The following CYP4B1 variants were observed in gnomAD, a reference collection of about 807,000 sequenced individuals.
CYP4B1 encodes cytochrome P450 4B1.
Under a neutral mutation model 54.0 loss-of-function variants are expected in CYP4B1, and 45 were observed. The observed-to-expected ratio is 0.83, with a 90% CI of 0.66 to 1.07. CYP4B1 has a LOEUF of 1.07. CYP4B1 is among the 50% of genes least tolerant of loss of function. The pLI, the probability that CYP4B1 is intolerant of heterozygous loss-of-function variation, is 0.00. For missense variants in CYP4B1, 656 were observed against 655.4 expected, an observed-to-expected ratio of 1.00 and a Z score of -0.01; for synonymous variants, 248 against 247.5, an observed-to-expected ratio of 1.00 and a Z score of -0.02.
At chr1:46,799,944 G>A (rs758116823) in intron 1 of CYP4B1, among the ~76,000 whole-genome samples, 3 of 152,158 alleles carry the variant, frequency 2.0e-5, no homozygotes, top group Non-Finnish European at 4.4e-5. Context: ...TTAGACACAG[G>A]GCAGGGAATT....
At position 46,813,482 on chromosome 1, in the gene CYP4B1, G is replaced by A; in HGVS notation, c.496G>A (p.Asp166Asn). ...VFTESTRIMLDKWEEKAREGK... is the reference protein window; with the variant it reads ...VFTESTRIMLNKWEEKAREGK... ...ATTGCCTCCTATCCCTGGACTCCAG[G>A]ACAAGTGGGAAGAGAAAGCTCGGGA... is the stretch of plus-strand genomic sequence containing the variant. Residue 166 changes from aspartate to asparagine, a missense_variant and splice_region_variant, in exon 5 of 12, where the codon GAC (aspartate) becomes AAC (asparagine). Asp to Asn is a conservative substitution (Grantham distance 23). Transcript: ENST00000371923. 6.2e-7 allele frequency: 1 copy of A among 1,614,142 alleles called. No homozygotes were observed. The highest frequency in any genetic ancestry group is 8.5e-7 in the Non-Finnish European group (1 of 1,180,026).
Position 46,799,278 on chromosome 1 carries a change from A to AG in CYP4B1, c.180+20dup, listed in dbSNP as rs754904125. On this transcript the variant is annotated intron_variant, in intron 1 of 11. Coordinates refer to ENST00000371923, the MANE Select transcript of CYP4B1 (RefSeq NM_001099772.2). ...GCCCTCGAGGTATGTGGAGGTCGGG[A>AG]GGGTGGGGGAGAAAGAAAACATCCT... 7.0e-6 allele frequency: 11 copies of AG among 1,563,622 alleles called. No homozygotes were observed. In the South Asian group the frequency reaches 1.3e-4, roughly 18 times the overall value.
chr1:46,806,745 T>A (rs963242970), intron 1 of CYP4B1: 1 of 152,032 alleles, frequency 6.6e-6, no homozygotes, highest in Non-Finnish European at 1.5e-5. Flanking sequence ...GGGTGGGAGG[T>A]GGGGCTGGGG....
intron 1 of CYP4B1, among the ~76,000 whole-genome samples, chr1:46,807,446 G>T (rs577979613): frequency 7.2e-5 from 11 of 152,298 alleles, no homozygotes; most frequent in African/African-American, 2.6e-4. Context: ...TAGGGATGGA[G>T]AGAAGGGGAA....
Position 46,813,571 on chromosome 1 carries a change from C to T in CYP4B1, c.585C>T (p.Cys195=). 1 of 1,614,176 alleles carries T rather than the reference C, an allele frequency of 6.2e-7. No homozygotes were observed. Among genetic ancestry groups the T allele is most frequent in the South Asian group, 1.1e-5 (1 of 91,088 alleles). ...TGGCGCTGAACACACTCATGAAGTG[C>T]ACCTTTGGAAGAGGAGACACCGGCC... ...GHMALNTLMK[C]TFGRGDTGLG... The change falls in exon 5 of 12, where the codon TGC becomes TGT. Residue 195 remains cysteine (C), a synonymous_variant. Coordinates refer to ENST00000371923, the MANE Select transcript of CYP4B1 (RefSeq NM_001099772.2).
At chr1:46,806,350 A>G (rs549475312) in intron 1 of CYP4B1, among the ~76,000 whole-genome samples, 1 of 152,206 alleles carries the variant, frequency 6.6e-6, no homozygotes, top group South Asian at 2.1e-4. Flanking sequence ...ATTCTGAAGC[A>G]GCCCCCTGGG....
chr1:46,806,143 T>A (rs879265361), intron 1 of CYP4B1, among the ~76,000 whole-genome samples: 18 of 152,212 alleles, frequency 1.2e-4, no homozygotes, highest in African/African-American at 3.6e-4. Context: ...ACTAGAGATG[T>A]TTGAGCACTT....
Position 46,819,070 on chromosome 1 carries a change from G to A in CYP4B1, c.*256G>A, listed in dbSNP as rs1000848975. On this transcript the variant is annotated 3_prime_UTR_variant, in exon 12 of 12. Transcript: ENST00000371923. ...CATTTGGTGAGCACCTATTTCGTTCGAGAAACTTCATTTATCTCCTATAAT... is the reference window on the plus strand; with the variant it reads ...CATTTGGTGAGCACCTATTTCGTTCAAGAAACTTCATTTATCTCCTATAAT... 5 of 370,358 alleles carry A rather than the reference G, an allele frequency of 1.4e-5. No homozygotes were observed. The highest frequency in any genetic ancestry group is 7.0e-4 in the Middle Eastern group (1 of 1,434). 22.9% of individuals were successfully genotyped at this position (370,358 alleles called of 1,614,324 possible).
At chr1:46,810,665 G>A (rs1480777931) in intron 1 of CYP4B1, 143 bp from the exon 2 acceptor site, 20 of 773,516 alleles carry the variant, frequency 2.6e-5, no homozygotes, top group Non-Finnish European at 4.0e-5. Flanking sequence ...GCCCAGGGAT[G>A]TTTAGGAGAA....
At chr1:46,799,489 A>G (rs769160426) in intron 1 of CYP4B1, among the ~76,000 whole-genome samples, 11 of 152,190 alleles carry the variant, frequency 7.2e-5, no homozygotes, top group Non-Finnish European at 1.2e-4. Flanking sequence ...GGGCTCAAGC[A>G]TGGCACAGAC....
intron 1 of CYP4B1, among the ~76,000 whole-genome samples, chr1:46,799,837 T>C (rs1022370100): frequency 8.5e-5 from 13 of 152,236 alleles, no homozygotes; most frequent in African/African-American, 3.1e-4. Context: ...ATGGTTCGTC[T>C]TCCTGTTACT....
In CYP4B1 at chr1:46,810,913, G is replaced by A. The variant is rs759391438; in HGVS notation, c.286G>A (p.Glu96Lys). The A allele has an allele frequency of 1.6e-5, 26 of 1,614,134 alleles. No individual in the cohort carries two copies. The highest frequency in any genetic ancestry group is 2.1e-5 in the Non-Finnish European group (25 of 1,180,032). The change falls in exon 2 of 12, where the codon GAG becomes AAG. Residue 96 changes from glutamate to lysine, a missense_variant. Glu to Lys is a moderately conservative substitution (Grantham distance 56). Coordinates refer to ENST00000371923, the MANE Select transcript of CYP4B1 (RefSeq NM_001099772.2). ...GTTCATTGGCTTCCTGAACATCTAT[G>A]AGCCTGACTATGCCAAAGCTGTGTA... ...GQFIGFLNIY[E>K]PDYAKAVYSR...
intron 1 of CYP4B1, among the ~76,000 whole-genome samples, chr1:46,804,434 C>CTTT (rs75345024): frequency 7.1e-6 from 1 of 141,438 alleles, no homozygotes. Flanking sequence ...CATTTTCTTT[C>CTTT]TTTTTTTTTT....
chr1:46,813,990 T>C lies in CYP4B1; in HGVS notation c.702T>C (p.Asn234=), dbSNP rs1164981857. ...GCCTTGTGTCCTTCCAGTACCATAA[T>C]GACTTCATCTACTGGCTCACCCCAC... ...QQRLVSFQYH[N]DFIYWLTPHG... Residue 234 remains asparagine (N), a synonymous_variant, in exon 6 of 12, where the codon AAT becomes AAC. Transcript: ENST00000371923. 3.1e-6 allele frequency: 5 copies of C among 1,614,054 alleles called. No individual in the cohort carries two copies. The highest frequency in any genetic ancestry group is 3.4e-6 in the Non-Finnish European group (4 of 1,180,032).
chr1:46,810,635 G>A (rs1196592841), intron 1 of CYP4B1, among the ~76,000 whole-genome samples, 173 bp from the exon 2 acceptor site: 3 of 152,168 alleles, frequency 2.0e-5, no homozygotes. Context: ...CAGTGGTTGT[G>A]GGGCTGGAGA....
Position 46,813,965 on chromosome 1 carries a change from G to T in CYP4B1, c.677G>T (p.Arg226Leu), listed in dbSNP as rs750366022. The change falls in exon 6 of 12, where the codon CGC becomes CTC. Residue 226 changes from arginine to leucine, a missense_variant. Arg to Leu is a moderately radical substitution (Grantham distance 102). Coordinates refer to ENST00000371923, the MANE Select transcript of CYP4B1 (RefSeq NM_001099772.2). ...GATCTCACTCTGTTGATGCAGCAGC[G>T]CCTTGTGTCCTTCCAGTACCATAAT... ...VSDLTLLMQQ[R>L]LVSFQYHNDF... 1.2e-6 allele frequency: 2 copies of T among 1,614,162 alleles called. No homozygotes were observed. Among genetic ancestry groups the T allele is most frequent in the Admixed American group, 3.3e-5 (2 of 60,026 alleles).
At chr1:46,812,469 G>C (rs1679145472) in intron 3 of CYP4B1, 27 bp from the exon 4 acceptor site, 1 of 1,600,836 alleles carries the variant, frequency 6.2e-7, no homozygotes, top group Non-Finnish European at 8.5e-7. Flanking sequence ...GGACTGACCA[G>C]CCCTCTCTCT....
chr1:46,818,271 A>G (rs1679420074), intron 11 of CYP4B1, 58 bp downstream of exon 11: 2 of 1,460,830 alleles, frequency 1.4e-6, no homozygotes, highest in Non-Finnish European at 1.9e-6. Context: ...GGTGGATGAC[A>G]TCATAGGGGA....
chr1:46,801,954 A>T (rs982891158), intron 1 of CYP4B1, among the ~76,000 whole-genome samples: 1 of 152,180 alleles, frequency 6.6e-6, no homozygotes, highest in Non-Finnish European at 1.5e-5. Flanking sequence ...GTCCGTCAGG[A>T]TTAATTTCTC....
Sources: allele counts gnomAD v4.1 joint callset (sites outside exome capture counted in the v4.1 genomes callset), GRCh38; gene constraint gnomAD v4.1.1; transcripts MANE v1.5; gene names NCBI Gene and HGNC (gene_info 2026-07-23, HGNC 2026-07-21).